Variants in SLC7A1 observed in about 807,000 individuals in gnomAD.
SLC7A1 encodes solute carrier family 7 member 1.
In SLC7A1, 10 loss-of-function variants were observed where a neutral mutation model predicts 53.9. That is an observed-to-expected ratio of 0.19 (90% CI 0.11 to 0.31). The LOEUF is 0.31. Among genes scored for constraint, SLC7A1 ranks in the 10% least tolerant of loss-of-function variants. The pLI is 1.00. For missense variants in SLC7A1, 525 were observed against 827.2 expected (o/e 0.63, Z 4.48); for synonymous variants, 342 against 338.7 (o/e 1.01, Z -0.11).
chr13:29,554,929 C>T (rs924034318), intron 1 of SLC7A1, among the ~76,000 whole-genome samples: 6 of 152,166 alleles, frequency 3.9e-5, no homozygotes, highest in Admixed American at 2.0e-4. Context: ...TCTACACTTC[C>T]CAATATTTAA....
chr13:29,587,329 G>A (rs76012021), intron 1 of SLC7A1, among the ~76,000 whole-genome samples: 104 of 152,232 alleles, frequency 6.8e-4, no homozygotes, highest in Non-Finnish European at 1.0e-3. Flanking sequence ...CCACCTAAGC[G>A]GACAAAGCAG....
At chr13:29,570,145 C>T (rs1871133793) in intron 1 of SLC7A1, among the ~76,000 whole-genome samples, 1 of 152,210 alleles carries the variant, frequency 6.6e-6, no homozygotes, top group African/African-American at 2.4e-5. Context: ...TTCACATGTT[C>T]CTCTGGCATT....
In SLC7A1 at chr13:29,544,594, A is replaced by C. The variant is rs1409647215; in HGVS notation, c.-14-8392T>G. 2.0e-5 allele frequency among the ~76,000 whole-genome samples: 3 copies of C among 152,096 alleles called. No individual in the cohort carries two copies. In the East Asian group the frequency reaches 5.8e-4, roughly 29 times the overall value. On this transcript the variant is annotated intron_variant, in intron 2 of 12. Transcript: ENST00000380752. ...TAGAATCATCTGGGGAGATTTTTTTAAGTAATAATGCCTGGCCCCAGCACA... is the reference window on the plus strand; with the variant it reads ...TAGAATCATCTGGGGAGATTTTTTTCAGTAATAATGCCTGGCCCCAGCACA...
intron 1 of SLC7A1, among the ~76,000 whole-genome samples, chr13:29,573,145 A>G (rs148751380): frequency 2.6e-5 from 4 of 152,372 alleles, no homozygotes; most frequent in Admixed American, 2.0e-4. Flanking sequence ...CAATATTGTC[A>G]TCAAAAAATT....
At chr13:29,573,405 C>A (rs1017221783) in intron 1 of SLC7A1, among the ~76,000 whole-genome samples, 5 of 152,158 alleles carry the variant, frequency 3.3e-5, no homozygotes, top group East Asian at 1.9e-4. Flanking sequence ...TCGCGGGGAA[C>A]ACCACACTCT....
intron 2 of SLC7A1, among the ~76,000 whole-genome samples, chr13:29,548,282 T>C (rs1335284986): frequency 6.6e-6 from 1 of 152,230 alleles, no homozygotes. Context: ...GTCTAAAACG[T>C]TAGGCACACA....
intron 2 of SLC7A1, among the ~76,000 whole-genome samples, chr13:29,538,091 A>C (rs1203821555): frequency 6.6e-6 from 1 of 152,110 alleles, no homozygotes; most frequent in Non-Finnish European, 1.5e-5. Context: ...TAATCTCAAG[A>C]CTCATAAAAT....
chr13:29,556,623 C>T (rs767274500), intron 1 of SLC7A1, among the ~76,000 whole-genome samples: 1 of 152,218 alleles, frequency 6.6e-6, no homozygotes, highest in Non-Finnish European at 1.5e-5. Flanking sequence ...AAGCAATCCA[C>T]CTGCCTCAGC....
chr13:29,561,440 C>G (rs939022815), intron 1 of SLC7A1, among the ~76,000 whole-genome samples: 8 of 152,132 alleles, frequency 5.3e-5, no homozygotes, highest in African/African-American at 1.4e-4. Flanking sequence ...TTTGGGATGG[C>G]CAGATTCCTG....
At chr13:29,574,226 T>G (rs1871315164) in intron 1 of SLC7A1, among the ~76,000 whole-genome samples, 2 of 152,208 alleles carry the variant, frequency 1.3e-5, no homozygotes, top group African/African-American at 2.4e-5. Context: ...ACATTCTCTT[T>G]CATTCACTTA....
chr13:29,591,276 C>G (rs1041121867), intron 1 of SLC7A1, among the ~76,000 whole-genome samples: 1 of 152,124 alleles, frequency 6.6e-6, no homozygotes, highest in Non-Finnish European at 1.5e-5. Context: ...AAAGTAGGCA[C>G]TAGAAGGCAA....
At chr13:29,533,313 G>A (rs1044970611) in intron 3 of SLC7A1, among the ~76,000 whole-genome samples, 10 of 152,236 alleles carry the variant, frequency 6.6e-5, no homozygotes, top group African/African-American at 2.4e-4. Context: ...AATATTTAAT[G>A]CTACCTACTT....
chr13:29,585,413 T>C (rs1381780557), intron 1 of SLC7A1, among the ~76,000 whole-genome samples: 1 of 152,330 alleles, frequency 6.6e-6, no homozygotes, highest in East Asian at 1.9e-4. Flanking sequence ...TAGAAAAGAA[T>C]AAAAATTATC....
intron 12 of SLC7A1, among the ~76,000 whole-genome samples, chr13:29,515,340 G>C (rs943180989): frequency 6.6e-6 from 1 of 152,214 alleles, no homozygotes; most frequent in Admixed American, 6.5e-5. Context: ...TCTCAGAAAG[G>C]CTCTAGGAGA....
chr13:29,540,553 T>C (rs1010091326), intron 2 of SLC7A1, among the ~76,000 whole-genome samples: 1 of 152,214 alleles, frequency 6.6e-6, no homozygotes, highest in Non-Finnish European at 1.5e-5. Flanking sequence ...GTTTTCACCT[T>C]GAATTTAACG....
At chr13:29,525,756 G>A (rs1376868751) in intron 5 of SLC7A1, among the ~76,000 whole-genome samples, 2 of 152,204 alleles carry the variant, frequency 1.3e-5, no homozygotes, top group African/African-American at 2.4e-5. Flanking sequence ...AGTGATGGAC[G>A]CAGGAAAAAC....
chr13:29,559,888 T>C lies in SLC7A1; in HGVS notation c.-114-6028A>G, dbSNP rs564725778. On this transcript the variant is annotated intron_variant, in intron 1 of 12. Coordinates refer to ENST00000380752, the MANE Select transcript of SLC7A1 (RefSeq NM_003045.5). ...CCGCCACCGCGCCCGGATAATTTTTTGTATTTTTAGTAGAGACGGGGTTTC... is the reference window on the plus strand; with the variant it reads ...CCGCCACCGCGCCCGGATAATTTTTCGTATTTTTAGTAGAGACGGGGTTTC... Among the ~76,000 whole-genome samples the C allele has an allele frequency of 1.1e-4, 16 of 152,236 alleles. No homozygotes were observed. In the East Asian group the frequency reaches 3.1e-3, roughly 29 times the overall value.
In SLC7A1 at chr13:29,532,921, G is replaced by A. The variant is rs141800249; in HGVS notation, c.432C>T (p.Ile144=). The change falls in exon 4 of 13, where the codon ATC becomes ATT. Residue 144 remains isoleucine, a synonymous_variant. Transcript: ENST00000380752. ...ATFDELIGRP[I]GEFSRTHMTL... Reference sequence around the variant, plus strand: ...TCATGTGTGTCCGTGAGAACTCCCCGATGGGTCTGCCTATCAGCTCGTCGA... The same window carrying A: ...TCATGTGTGTCCGTGAGAACTCCCCAATGGGTCTGCCTATCAGCTCGTCGA... The A allele has an allele frequency of 2.6e-3, 4,167 of 1,614,116 alleles. 105 individuals are homozygous for A. The African/African-American group carries it at 0.05, about 19-fold the overall frequency.
At chr13:29,561,186 A>G (rs1281947712) in intron 1 of SLC7A1, among the ~76,000 whole-genome samples, 1 of 152,208 alleles carries the variant, frequency 6.6e-6, no homozygotes, top group Non-Finnish European at 1.5e-5. Context: ...CGGACCAAAC[A>G]CTAATGACGG....
Sources: gnomAD v4.1 joint callset for allele counts (sites outside exome capture counted in the v4.1 genomes callset) on GRCh38, gnomAD v4.1.1 for gene constraint, MANE v1.5 for transcripts, NCBI Gene and HGNC (gene_info 2026-07-23, HGNC 2026-07-21) for gene names.